ABCC9: variants seen among roughly 807,000 people sequenced by gnomAD.
The protein encoded by ABCC9 is ATP binding cassette subfamily C member 9.
ABCC9 carries 95 observed loss-of-function variants against 188.3 expected under a neutral mutation model. The ratio of observed to expected loss-of-function variants is 0.50; its 90% CI spans 0.43 to 0.60. ABCC9 has a LOEUF of 0.60. ABCC9 is among the 20% of genes least tolerant of loss of function. The probability of loss-of-function intolerance (pLI) is 0.00; values close to 1 mark genes in which losing one functional copy is unlikely to be tolerated. For missense variants in ABCC9, 1,102 were observed against 1,876.3 expected (o/e 0.59, Z 7.62); for synonymous variants, 659 against 652.7 (o/e 1.01, Z -0.15).
intron 30 of ABCC9, among the ~76,000 whole-genome samples, chr12:21,835,853 TC>T (rs1392986670): frequency 1.3e-5 from 2 of 152,250 alleles, no homozygotes; most frequent in East Asian, 3.9e-4. Flanking sequence ...TCAAAAACAG[TC>T]CAGCTGGATA....
At position 21,831,668 on chromosome 12, in the gene ABCC9, T is replaced by A. The variant is rs79268455; in HGVS notation, c.3567-2608A>T. On this transcript the variant is annotated intron_variant, in intron 30 of 39. Coordinates refer to ENST00000261200, the MANE Select transcript of ABCC9 (RefSeq NM_020297.4). ...GTGTCACAAAGGACAAGGAAGATAATCTGAGTGAGGTTTTTAAAGGATAAG... is the reference window on the plus strand; with the variant it reads ...GTGTCACAAAGGACAAGGAAGATAAACTGAGTGAGGTTTTTAAAGGATAAG... 1.9e-3 allele frequency among the ~76,000 whole-genome samples: 295 copies of A among 152,132 alleles called. 3 individuals carry two copies. The highest frequency in any genetic ancestry group is 6.9e-3 in the African/African-American group (287 of 41,490).
chr12:21,932,095 T>C (rs867081674), intron 4 of ABCC9, among the ~76,000 whole-genome samples: 1 of 152,106 alleles, frequency 6.6e-6, no homozygotes, highest in African/African-American at 2.4e-5. Context: ...TCTTCTAATA[T>C]TAGCTCCTCA....
chr12:21,844,609 A>G lies in ABCC9; in HGVS notation c.3246-57T>C, dbSNP rs569035483. On this transcript the variant is annotated intron_variant, in intron 27 of 39. Transcript: ENST00000261200. ...ATACTAAACTATTTGGAACCTGGGC[A>G]TTGCTAATGGGCATCTTAGTGTCAT... The G allele has an allele frequency of 4.5e-6, 7 of 1,571,458 alleles. No individual in the cohort carries two copies. In the South Asian group the frequency reaches 7.8e-5, roughly 17 times the overall value.
rs542352587 is a variant in ABCC9, at chr12:21,859,463, A to G, written c.2505+123T>C. ...TACTTCAAGGATTTATTTCCCCTAT[A>G]TACTTTACGATTTCACAAGTTAAAC... On this transcript the variant is annotated intron_variant, in intron 22 of 39. Transcript: ENST00000261200. 5.1e-5 allele frequency: 48 copies of G among 934,548 alleles called. 1 individual carries two copies. In the South Asian group the frequency reaches 5.5e-4, roughly 11 times the overall value. 57.9% of individuals were successfully genotyped at this position (934,548 alleles called of 1,614,324 possible).
chr12:21,887,990 A>G, intron 14 of ABCC9, 56 bp from the exon 15 acceptor site: 1 of 1,311,780 alleles, frequency 7.6e-7, no homozygotes, highest in South Asian at 1.2e-5. Flanking sequence ...CCACCAACAA[A>G]GTGCTACCTA....
intron 16 of ABCC9, 45 bp downstream of exon 16, chr12:21,882,721 C>T (rs2137654385): frequency 1.3e-6 from 2 of 1,498,744 alleles, no homozygotes; most frequent in East Asian, 4.5e-5. Flanking sequence ...AAAATAGTAA[C>T]ATAAATGTTT....
At chr12:21,858,719 A>G (rs1945352745) in intron 22 of ABCC9, among the ~76,000 whole-genome samples, 1 of 152,156 alleles carries the variant, frequency 6.6e-6, no homozygotes, top group Non-Finnish European at 1.5e-5. Flanking sequence ...AAATTCTGCT[A>G]CCATCCCCAA....
At chr12:21,808,152 C>T (rs574189262) in intron 37 of ABCC9, among the ~76,000 whole-genome samples, 7 of 152,058 alleles carry the variant, frequency 4.6e-5, no homozygotes, top group Admixed American at 1.3e-4. Flanking sequence ...ACACCTTTCC[C>T]TAATGTCCTG....
chr12:21,885,972 T>C (rs1167644212), intron 15 of ABCC9, among the ~76,000 whole-genome samples: 1 of 152,128 alleles, frequency 6.6e-6, no homozygotes, highest in South Asian at 2.1e-4. Context: ...TTGGTTCACA[T>C]AAATGGTAAA....
At chr12:21,875,762 G>A (rs1351921106) in intron 16 of ABCC9, 36 bp from the exon 17 acceptor site, 9 of 1,482,304 alleles carry the variant, frequency 6.1e-6, no homozygotes, top group African/African-American at 1.4e-5. Flanking sequence ...AATTATATGT[G>A]TGGTATCAAT....
rs1350257236 is a variant in ABCC9, at chr12:21,861,230, C to CATTTTTTTTT, written c.2340-176_2340-175insAAAAAAAAAT. ...AGATACATAAGTACTACTTCCCCCC[C>CATTTTTTTTT]CTTTTTTTTTTTTTTTTGAAGACAG... On this transcript the variant is annotated intron_variant, in intron 20 of 39. Transcript: ENST00000261200. 2.0e-5 allele frequency among the ~76,000 whole-genome samples: 3 copies of CATTTTTTTTT among 146,670 alleles called. 1 individual carries two copies.
At chr12:21,858,609 G>T (rs928573914) in intron 22 of ABCC9, among the ~76,000 whole-genome samples, 1 of 151,746 alleles carries the variant, frequency 6.6e-6, no homozygotes, top group Admixed American at 6.6e-5. Context: ...AATTACATAG[G>T]CTACTGTTAG....
At chr12:21,838,293 C>T in intron 29 of ABCC9, 123 bp from the exon 30 acceptor site, 2 of 775,098 alleles carry the variant, frequency 2.6e-6, no homozygotes, top group East Asian at 2.6e-5. Context: ...ATTTTTTCCC[C>T]TAGCACTCAA....
intron 20 of ABCC9, among the ~76,000 whole-genome samples, chr12:21,861,900 G>GGACTGACA: frequency 6.6e-6 from 1 of 152,064 alleles, no homozygotes; most frequent in Middle Eastern, 3.2e-3. Flanking sequence ...GAGATAGTGA[G>GGACTGACA]GACTGACAGT....
Position 21,852,429 on chromosome 12 carries a change from T to C in ABCC9, c.2582A>G (p.Asp861Gly). 1.2e-6 allele frequency: 2 copies of C among 1,613,932 alleles called. No individual in the cohort carries two copies. Residue 861 changes from aspartate (D) to glycine (G), a missense_variant, in exon 23 of 40, where the codon GAT (aspartate) becomes GGT (glycine). Transcript: ENST00000261200. ...MQEGILKFLQ[D>G]DKRTLVLVTH... ...CACAAGAACGAGTGTCCTTTTGTCA[T>C]CTTGCAGGAATTTCAAAATCCCCTC... is the stretch of plus-strand genomic sequence containing the variant.
intron 14 of ABCC9, among the ~76,000 whole-genome samples, chr12:21,893,270 A>G (rs569244152): frequency 4.5e-4 from 69 of 152,322 alleles, no homozygotes; most frequent in African/African-American, 1.5e-3. Flanking sequence ...TGGAAACACT[A>G]TAGAAGCATA....
At chr12:21,930,823 C>T (rs1195746625) in intron 4 of ABCC9, among the ~76,000 whole-genome samples, 1 of 152,006 alleles carries the variant, frequency 6.6e-6, no homozygotes, top group Non-Finnish European at 1.5e-5. Flanking sequence ...TTAAAGGCAC[C>T]TTAAATGCAG....
At chr12:21,930,805 GA>G (rs886328353) in intron 4 of ABCC9, among the ~76,000 whole-genome samples, 3 of 152,078 alleles carry the variant, frequency 2.0e-5, no homozygotes, top group African/African-American at 4.8e-5. Flanking sequence ...ATTTGGCCAT[GA>G]AAAAACTTAA....
chr12:21,845,542 G>T (rs918577760), intron 26 of ABCC9, 61 bp downstream of exon 26: 22 of 1,305,070 alleles, frequency 1.7e-5, no homozygotes, highest in South Asian at 9.7e-5. Context: ...AGATAAGAAG[G>T]TATCACTGTT....
Sources: gnomAD v4.1 joint callset for allele counts (sites outside exome capture counted in the v4.1 genomes callset) on GRCh38, gnomAD v4.1.1 for gene constraint, MANE v1.5 for transcripts, NCBI Gene and HGNC (gene_info 2026-07-23, HGNC 2026-07-21) for gene names.